Variants in TFCP2L1 observed in about 807,000 individuals in gnomAD.
TFCP2L1 encodes the protein transcription factor CP2 like 1.
TFCP2L1 carries 12 observed loss-of-function variants against 72.2 expected under a neutral mutation model. The observed-to-expected ratio is 0.17, with a 90% CI of 0.11 to 0.27. TFCP2L1 has a LOEUF of 0.27. Among genes scored for constraint, TFCP2L1 ranks in the 10% least tolerant of loss-of-function variants. TFCP2L1 has a pLI of 1.00. For synonymous variants in TFCP2L1, 260 were observed against 251.0 expected, an observed-to-expected ratio of 1.04 and a Z score of -0.34; for missense variants, 488 against 624.6, an observed-to-expected ratio of 0.78 and a Z score of 2.33.
intron 5 of TFCP2L1, among the ~76,000 whole-genome samples, chr2:121,247,550 T>TA (rs368752705): frequency 0.064 from 9,128 of 142,806 alleles, 367 homozygotes; most frequent in African/African-American, 0.12. Flanking sequence ...ATTGTAATTG[T>TA]AAAAAAAAAA....
intron 1 of TFCP2L1, among the ~76,000 whole-genome samples, chr2:121,283,657 T>C (rs1687308821): frequency 6.6e-6 from 1 of 152,196 alleles, no homozygotes. Context: ...GGTGAGGACA[T>C]TGTAGGTATC....
chr2:121,244,546 G>A lies in TFCP2L1; in HGVS notation c.658-2077C>T, dbSNP rs72961401. On this transcript the variant is annotated intron_variant, in intron 6 of 14. Transcript: ENST00000263707. ...GCCTTCCTCAGGGCACTGAGACCACGCAGCTTCCAGCCCAACTCCCCAAGC... is the reference window on the plus strand; with the variant it reads ...GCCTTCCTCAGGGCACTGAGACCACACAGCTTCCAGCCCAACTCCCCAAGC... 7.0e-3 allele frequency among the ~76,000 whole-genome samples: 1,070 copies of A among 152,244 alleles called. 11 individuals carry two copies. The highest frequency in any genetic ancestry group is 0.024 in the African/African-American group (993 of 41,548).
chr2:121,276,862 T>C (rs1034920386), intron 2 of TFCP2L1, among the ~76,000 whole-genome samples: 1 of 152,078 alleles, frequency 6.6e-6, no homozygotes, highest in Non-Finnish European at 1.5e-5. Context: ...GCAGCCATTT[T>C]CTTTTAAGCA....
intron 2 of TFCP2L1, among the ~76,000 whole-genome samples, chr2:121,253,325 T>C (rs1686648590): frequency 6.6e-6 from 1 of 152,268 alleles, no homozygotes; most frequent in Admixed American, 6.5e-5. Flanking sequence ...CCCACTTGCC[T>C]GTTCAGGAGA....
chr2:121,220,237 T>G lies in TFCP2L1; in HGVS notation c.*4104A>C, dbSNP rs1312647532. The stretch of plus-strand genomic sequence containing the variant: ...AGCCTTCCCTAGGTTAATAGCTCTG[T>G]GTAAGGGGCTCTGGGCTGTCTGGGC... On this transcript the variant is annotated 3_prime_UTR_variant, in exon 15 of 15. Coordinates refer to ENST00000263707, the MANE Select transcript of TFCP2L1 (RefSeq NM_014553.3). The G allele has an allele frequency of 6.6e-6, 1 of 152,230 alleles. No individual in the cohort carries two copies. The highest frequency in any genetic ancestry group is 1.5e-5 in the Non-Finnish European group (1 of 68,078). The allele number at this position is 152,230 out of a possible 1,614,324, so 9.4% of individuals were successfully genotyped here. A position where few individuals can be genotyped will look rare whatever the true frequency, so the allele number is the denominator to read the frequency against.
chr2:121,265,280 G>A (rs1465554469), intron 2 of TFCP2L1, among the ~76,000 whole-genome samples: 1 of 152,220 alleles, frequency 6.6e-6, no homozygotes, highest in Admixed American at 6.5e-5. Context: ...AGTGGGTAGA[G>A]ATAAAGTAGA....
chr2:121,270,296 C>A (rs1043724412), intron 2 of TFCP2L1, among the ~76,000 whole-genome samples: 1 of 152,144 alleles, frequency 6.6e-6, no homozygotes, highest in Non-Finnish European at 1.5e-5. Flanking sequence ...CAAGTCTCTG[C>A]CCTCAAGTTT....
In TFCP2L1 at chr2:121,248,253, C is replaced by T. The variant is rs752593787; in HGVS notation, c.415G>A (p.Gly139Ser). Reference sequence around the variant, plus strand: ...GGGCTGGCCCTGGGGTCCAAGATACCAACAGACAGTGGAATATCTGCATAC... The same window carrying T: ...GGGCTGGCCCTGGGGTCCAAGATACTAACAGACAGTGGAATATCTGCATAC... ...ILDIDIPLSV[G>S]ILDPRASPTQ... Residue 139 changes from glycine to serine, a missense_variant, in exon 5 of 15, where the codon GGT becomes AGT. Gly to Ser is a moderately conservative substitution (Grantham distance 56, BLOSUM62 0). Coordinates refer to ENST00000263707, the MANE Select transcript of TFCP2L1 (RefSeq NM_014553.3). 10 of 1,613,806 alleles carry T rather than the reference C, an allele frequency of 6.2e-6. No individual in the cohort carries two copies. Among genetic ancestry groups the T allele is most frequent in the Admixed American group, 1.7e-5 (1 of 60,016 alleles).
intron 6 of TFCP2L1, 131 bp from the exon 7 acceptor site, chr2:121,242,600 T>C: frequency 1.3e-6 from 1 of 785,640 alleles, no homozygotes; most frequent in South Asian, 1.5e-5. Context: ...ACAGCACCTA[T>C]CTCCCCTCCC....
At chr2:121,257,597 A>C (rs1466224678) in intron 2 of TFCP2L1, among the ~76,000 whole-genome samples, 1 of 152,160 alleles carries the variant, frequency 6.6e-6, no homozygotes, top group Non-Finnish European at 1.5e-5. Flanking sequence ...CCTGCACCCC[A>C]CATGTCCAAC....
rs952121279 is a variant in TFCP2L1, at chr2:121,220,716, T to A, written c.*3625A>T. Reference sequence around the variant, plus strand: ...GGAAGGGCTATGGCTTTTCTGTATGTCAATCAAATGAAAAATAAAACCTGG... The same window carrying A: ...GGAAGGGCTATGGCTTTTCTGTATGACAATCAAATGAAAAATAAAACCTGG... On this transcript the variant is annotated 3_prime_UTR_variant, in exon 15 of 15. Coordinates refer to ENST00000263707, the MANE Select transcript of TFCP2L1 (RefSeq NM_014553.3). 2.6e-5 allele frequency: 4 copies of A among 152,218 alleles called. No individual in the cohort carries two copies. The highest frequency in any genetic ancestry group is 2.0e-4 in the Admixed American group (3 of 15,282). 9.4% of individuals were successfully genotyped at this position (152,218 alleles called of 1,614,324 possible).
chr2:121,246,793 G>T, intron 6 of TFCP2L1, 25 bp downstream of exon 6: 1 of 1,613,792 alleles, frequency 6.2e-7, no homozygotes, highest in Non-Finnish European at 8.5e-7. Flanking sequence ...AGCAGGGCAC[G>T]GCAGAGCCTG....
chr2:121,234,708 C>T (rs1263076496), intron 11 of TFCP2L1, among the ~76,000 whole-genome samples: 2 of 152,344 alleles, frequency 1.3e-5, no homozygotes, highest in Non-Finnish European at 2.9e-5. Flanking sequence ...AAATTTCGTC[C>T]ATCACATCAG....
chr2:121,259,074 C>T (rs543989914), intron 2 of TFCP2L1, among the ~76,000 whole-genome samples: 1 of 152,132 alleles, frequency 6.6e-6, no homozygotes, highest in Non-Finnish European at 1.5e-5. Context: ...ATGGTGAAAC[C>T]CTGTCTCTAG....
At chr2:121,227,870 C>T (rs1443729843) in intron 13 of TFCP2L1, among the ~76,000 whole-genome samples, 6 of 152,238 alleles carry the variant, frequency 3.9e-5, no homozygotes, top group Admixed American at 3.3e-4. Context: ...GCCCCCGCCC[C>T]TCCCACAGGG....
At chr2:121,243,643 C>A (rs555741852) in intron 6 of TFCP2L1, among the ~76,000 whole-genome samples, 1 of 152,022 alleles carries the variant, frequency 6.6e-6, no homozygotes, top group Non-Finnish European at 1.5e-5. Flanking sequence ...GAGGGCAAAA[C>A]CTTTTGTGAA....
At chr2:121,275,429 G>A in intron 2 of TFCP2L1, among the ~76,000 whole-genome samples, 1 of 117,716 alleles carries the variant, frequency 8.5e-6, no homozygotes, top group East Asian at 2.4e-4. Context: ...ATAACATGTA[G>A]ACATTTTACA....
intron 2 of TFCP2L1, among the ~76,000 whole-genome samples, chr2:121,263,428 G>A (rs573316315): frequency 3.2e-5 from 2 of 62,790 alleles, no homozygotes; most frequent in East Asian, 9.4e-4. Flanking sequence ...GCAAAAAGCC[G>A]AAAGAAAAAT....
chr2:121,228,438 C>G (rs1315347433), intron 13 of TFCP2L1, among the ~76,000 whole-genome samples: 1 of 146,580 alleles, frequency 6.8e-6, no homozygotes, highest in Non-Finnish European at 1.5e-5. Flanking sequence ...TCATTTTCCT[C>G]CTCCGTAAAA....
Sources: gnomAD v4.1 joint callset for allele counts (sites outside exome capture counted in the v4.1 genomes callset) on GRCh38, gnomAD v4.1.1 for gene constraint, MANE v1.5 for transcripts, NCBI Gene and HGNC (gene_info 2026-07-23, HGNC 2026-07-21) for gene names.